Variants in RBM33 observed in about 807,000 individuals in gnomAD.
The protein encoded by RBM33 is RNA binding motif protein 33.
RBM33 carries 28 observed loss-of-function variants against 132.6 expected under a neutral mutation model. The observed-to-expected ratio is 0.21, with a 90% CI of 0.16 to 0.29. RBM33 has a LOEUF of 0.29. Ranked by LOEUF, RBM33 falls within the 10% of genes least tolerant of loss-of-function variation. The pLI is 1.00. For synonymous variants in RBM33, 634 were observed against 593.0 expected, an observed-to-expected ratio of 1.07 and a Z score of -1.01; for missense variants, 1,291 against 1,518.5, an observed-to-expected ratio of 0.85 and a Z score of 2.49.
At chr7:155,757,087 T>G (rs1801876111) in intron 14 of RBM33, among the ~76,000 whole-genome samples, 1 of 151,974 alleles carries the variant, frequency 6.6e-6, no homozygotes, top group Non-Finnish European at 1.5e-5. Flanking sequence ...GAAATGAAAA[T>G]TTTCTCAAAA....
chr7:155,694,387 G>A (rs1252788156), intron 5 of RBM33, among the ~76,000 whole-genome samples: 1 of 152,150 alleles, frequency 6.6e-6, no homozygotes, highest in Non-Finnish European at 1.5e-5. Flanking sequence ...CATAGTTTTG[G>A]CATGTGTAGA....
chr7:155,747,895 G>C (rs1272834502), intron 14 of RBM33, among the ~76,000 whole-genome samples: 1 of 152,212 alleles, frequency 6.6e-6, no homozygotes, highest in Admixed American at 6.5e-5. Context: ...ATTTTTGAGA[G>C]AACATATTCC....
rs1212601585 is a variant in RBM33 at position 155,745,907 on chromosome 7, G to A, written c.2979+305G>A. On this transcript the variant is annotated intron_variant, in intron 14 of 17. Transcript: ENST00000401878. The surrounding 1 kb of genome is among the most constrained non-coding windows in gnomAD (Gnocchi z 4.1). ...ACAGCCTGTTGCTCCCTGGCCACAA[G>A]CCTGTGCAGCATGTTACTGTGCTGA... is the stretch of plus-strand genomic sequence containing the variant. Among the ~76,000 whole-genome samples the A allele has an allele frequency of 1.3e-5, 2 of 152,324 alleles. No individual in the cohort carries two copies. The highest frequency in any genetic ancestry group is 2.9e-5 in the Non-Finnish European group (2 of 68,026).
chr7:155,672,041 CA>C (rs1384138877), intron 2 of RBM33, among the ~76,000 whole-genome samples: 2 of 152,108 alleles, frequency 1.3e-5, no homozygotes, highest in Non-Finnish European at 2.9e-5. Flanking sequence ...CCATGTTATA[CA>C]AAGCTAATTT....
intron 9 of RBM33, among the ~76,000 whole-genome samples, chr7:155,735,540 A>G (rs1022744651): frequency 2.6e-5 from 4 of 151,592 alleles, no homozygotes; most frequent in African/African-American, 7.3e-5. Flanking sequence ...CCCTGCCTCT[A>G]CAAAAAAACT....
At chr7:155,658,955 G>C (rs1005251853) in intron 1 of RBM33, among the ~76,000 whole-genome samples, 2 of 152,132 alleles carry the variant, frequency 1.3e-5, no homozygotes, top group Non-Finnish European at 2.9e-5. Flanking sequence ...CTTTTTATTG[G>C]ATGCAGGCAT....
intron 9 of RBM33, among the ~76,000 whole-genome samples, chr7:155,723,395 A>G (rs945321087): frequency 1.3e-5 from 2 of 152,230 alleles, no homozygotes; most frequent in African/African-American, 4.8e-5. Flanking sequence ...GCAGGCGAAT[A>G]TAGTAGGAGA....
At chr7:155,706,713 C>G in intron 6 of RBM33, 147 bp from the exon 7 acceptor site, 2 of 626,790 alleles carry the variant, frequency 3.2e-6, no homozygotes, top group Non-Finnish European at 2.8e-6. Flanking sequence ...TTGTATCGTA[C>G]TTGCCGCTGC....
At chr7:155,695,609 A>T (rs552232798) in intron 5 of RBM33, among the ~76,000 whole-genome samples, 1 of 151,922 alleles carries the variant, frequency 6.6e-6, no homozygotes, top group Non-Finnish European at 1.5e-5. Flanking sequence ...ACAGGCACGT[A>T]CCACCACACC....
At chr7:155,650,347 G>A (rs569980676) in intron 1 of RBM33, among the ~76,000 whole-genome samples, 3 of 152,168 alleles carry the variant, frequency 2.0e-5, no homozygotes, top group South Asian at 2.1e-4. Context: ...GCTGTGAAAC[G>A]CTTTCTCTGC....
chr7:155,713,541 G>A (rs571911218), intron 8 of RBM33, among the ~76,000 whole-genome samples: 12 of 152,228 alleles, frequency 7.9e-5, no homozygotes, highest in South Asian at 4.2e-4. Flanking sequence ...GATGACGGTC[G>A]ATGGGGAAGG....
chr7:155,739,209 G>C (rs917038975), intron 11 of RBM33: 1 of 151,588 alleles, frequency 6.6e-6, no homozygotes, highest in Non-Finnish European at 1.5e-5. Flanking sequence ...AAATACTCTC[G>C]TTACCTAGAA....
intron 16 of RBM33, among the ~76,000 whole-genome samples, chr7:155,769,232 T>C (rs539960656): frequency 6.6e-6 from 1 of 152,216 alleles, no homozygotes; most frequent in South Asian, 2.1e-4. Flanking sequence ...TGTCTACTCA[T>C]AAACCACATA....
At chr7:155,645,128 T>G in intron 1 of RBM33, 1 of 468,804 alleles carries the variant, frequency 2.1e-6, no homozygotes. Flanking sequence ...AGATCGTACT[T>G]ACCTGTGAAC....
chr7:155,706,797 C>T, intron 6 of RBM33, 63 bp from the exon 7 acceptor site: 1 of 1,316,292 alleles, frequency 7.6e-7, no homozygotes, highest in South Asian at 1.3e-5. Context: ...TTCCTGTTCT[C>T]TCCCTAGACC....
chr7:155,689,204 T>G (rs200963244), intron 5 of RBM33, among the ~76,000 whole-genome samples: 2 of 151,094 alleles, frequency 1.3e-5, no homozygotes, highest in South Asian at 2.1e-4. Flanking sequence ...GTCTTGGGAG[T>G]GTGTATGTGT....
At chr7:155,754,766 A>C (rs1172256215) in intron 14 of RBM33, among the ~76,000 whole-genome samples, 1 of 152,240 alleles carries the variant, frequency 6.6e-6, no homozygotes, top group African/African-American at 2.4e-5. Context: ...CCGTACTAGA[A>C]AGTCAAATGC....
intron 16 of RBM33, among the ~76,000 whole-genome samples, chr7:155,770,722 T>G (rs1008352033): frequency 2.0e-5 from 3 of 152,040 alleles, no homozygotes; most frequent in African/African-American, 7.2e-5. Context: ...TTAGTTATCT[T>G]TATACATGCA....
intron 14 of RBM33, among the ~76,000 whole-genome samples, chr7:155,759,345 C>T (rs977901621): frequency 7.3e-5 from 11 of 151,606 alleles, no homozygotes; most frequent in African/African-American, 2.4e-4. Flanking sequence ...TTTCACCAGT[C>T]TCTTACCCAA....
Sources: allele counts gnomAD v4.1 joint callset (sites outside exome capture counted in the v4.1 genomes callset), GRCh38; gene constraint gnomAD v4.1.1; non-coding constraint Gnocchi (gnomAD v3.1); transcripts MANE v1.5; gene names NCBI Gene and HGNC (gene_info 2026-07-23, HGNC 2026-07-21).